The following DIP2C variants were observed in gnomAD, a reference collection of about 807,000 sequenced individuals.
DIP2C encodes disco-interacting protein 2 homolog C.
In DIP2C, 33 loss-of-function variants were observed where a neutral mutation model predicts 192.4. The observed-to-expected ratio is 0.17, with a 90% CI of 0.13 to 0.23. The LOEUF is 0.23. Ranked by LOEUF, DIP2C falls within the 10% of genes least tolerant of loss-of-function variation. The pLI is 1.00. For synonymous variants in DIP2C, 979 were observed against 864.1 expected, an observed-to-expected ratio of 1.13 and a Z score of -2.33; for missense variants, 1,537 against 2,110.1, an observed-to-expected ratio of 0.73 and a Z score of 5.32.
intron 13 of DIP2C, among the ~76,000 whole-genome samples, chr10:388,991 C>G (rs1963227744): frequency 7.2e-6 from 1 of 138,236 alleles, no homozygotes; most frequent in Admixed American, 7.7e-5. Context: ...CGGGGCATCC[C>G]AAGGGATCTC....
At chr10:389,563 G>A (rs1027149930) in intron 13 of DIP2C, among the ~76,000 whole-genome samples, 1 of 152,174 alleles carries the variant, frequency 6.6e-6, no homozygotes, top group Admixed American at 6.5e-5. Flanking sequence ...GAAGCTCCAC[G>A]GCGTTAACAG....
intron 1 of DIP2C, among the ~76,000 whole-genome samples, chr10:496,111 TA>T (rs142662466): frequency 4.4e-4 from 60 of 134,900 alleles, no homozygotes; most frequent in African/African-American, 8.8e-4. Context: ...CCCGTGTACT[TA>T]AAATCTCTAC....
chr10:674,771 AATATAT>A (rs375454744), intron 1 of DIP2C, among the ~76,000 whole-genome samples: 2 of 27,702 alleles, frequency 7.2e-5, no homozygotes, highest in African/African-American at 3.4e-4. Context: ...CTCCATCTCA[AATATAT>A]ATATATATAT....
intron 1 of DIP2C, among the ~76,000 whole-genome samples, chr10:547,570 A>G (rs1848349996): frequency 7.2e-5 from 11 of 152,116 alleles, no homozygotes; most frequent in Admixed American, 7.2e-4. Flanking sequence ...GGGTGGAGAA[A>G]AAGGGGCTGG....
At chr10:521,619 GTAAT>G (rs941688939) in intron 1 of DIP2C, among the ~76,000 whole-genome samples, 11 of 152,298 alleles carry the variant, frequency 7.2e-5, no homozygotes, top group South Asian at 2.1e-4. Context: ...CACTGATACT[GTAAT>G]TAACTTTGTA....
intron 23 of DIP2C, 125 bp downstream of exon 23, chr10:357,703 G>C: frequency 1.4e-6 from 1 of 694,360 alleles, no homozygotes; most frequent in South Asian, 2.0e-5. Context: ...CGGACAGTCA[G>C]ACACTGTCGC....
chr10:381,173 G>A (rs1458434066), intron 17 of DIP2C, among the ~76,000 whole-genome samples: 2 of 152,110 alleles, frequency 1.3e-5, no homozygotes, highest in African/African-American at 4.8e-5. Flanking sequence ...TTCATCTCAG[G>A]AAATTAGGGA....
intron 3 of DIP2C, among the ~76,000 whole-genome samples, chr10:452,281 T>G (rs1968913681): frequency 6.6e-6 from 1 of 152,168 alleles, no homozygotes; most frequent in Admixed American, 6.5e-5. Context: ...TCCGTCAGAC[T>G]CTACATGGAA....
chr10:621,322 C>A (rs377465329), intron 1 of DIP2C, among the ~76,000 whole-genome samples: 2 of 151,930 alleles, frequency 1.3e-5, no homozygotes, highest in Non-Finnish European at 2.9e-5. Flanking sequence ...CACACACACC[C>A]CCAAGGTGTG....
At chr10:489,520 T>TTCAA in intron 1 of DIP2C, among the ~76,000 whole-genome samples, 1 of 152,228 alleles carries the variant, frequency 6.6e-6, no homozygotes, top group Non-Finnish European at 1.5e-5. Flanking sequence ...AGGCCTGACC[T>TTCAA]TCAATCAATG....
At chr10:438,814 T>C (rs1199710786) in intron 4 of DIP2C, among the ~76,000 whole-genome samples, 2 of 151,986 alleles carry the variant, frequency 1.3e-5, no homozygotes, top group Non-Finnish European at 2.9e-5. Context: ...AGAGTCTCTA[T>C]TTATTATCGT....
intron 24 of DIP2C, among the ~76,000 whole-genome samples, chr10:355,279 C>T (rs780859819): frequency 6.6e-5 from 10 of 152,300 alleles, no homozygotes; most frequent in South Asian, 6.2e-4. Flanking sequence ...TCCGTGACAA[C>T]GTCAAGACGA....
At chr10:437,876 A>G (rs1251624179) in intron 4 of DIP2C, 1 of 152,258 alleles carries the variant, frequency 6.6e-6, no homozygotes, top group Non-Finnish European at 1.5e-5. Context: ...TGAAACTGAG[A>G]TAAGATCTAA....
intron 31 of DIP2C, among the ~76,000 whole-genome samples, chr10:323,781 T>C (rs1957135590): frequency 6.6e-6 from 1 of 152,196 alleles, no homozygotes; most frequent in Admixed American, 6.5e-5. Flanking sequence ...CATTTCAGGC[T>C]TTCCTTATTA....
In DIP2C at chr10:344,983, C is replaced by T. The variant is rs1207595021; in HGVS notation, c.3343+16G>A. 1.9e-6 allele frequency: 3 copies of T among 1,610,240 alleles called. No homozygotes were observed. The highest frequency in any genetic ancestry group is 2.2e-5 in the South Asian group (2 of 90,178). ...AAGGCCGTGAGCAAACCACCTTCTG[C>T]AGCTAAAGCACCAACCTGTGTCCAG... On this transcript the variant is annotated intron_variant, in intron 27 of 36. Coordinates refer to ENST00000280886, the MANE Select transcript of DIP2C (RefSeq NM_014974.3).
chr10:277,122 C>T lies in DIP2C; in HGVS notation c.*203G>A, dbSNP rs540752014. On this transcript the variant is annotated 3_prime_UTR_variant, in exon 37 of 37. Transcript: ENST00000280886. Reference sequence around the variant, plus strand: ...GGCAGTAATCCAAAGTCCTTCTGAGCGAAATTCAGTGGTAAATTCACATTT... The same window carrying T: ...GGCAGTAATCCAAAGTCCTTCTGAGTGAAATTCAGTGGTAAATTCACATTT... 10 of 671,396 alleles carry T rather than the reference C, an allele frequency of 1.5e-5. No individual in the cohort carries two copies. The highest frequency in any genetic ancestry group is 1.5e-4 in the South Asian group (5 of 34,084). 41.6% of individuals were successfully genotyped at this position (671,396 alleles called of 1,614,324 possible). A position where few individuals can be genotyped will look rare whatever the true frequency, so the allele number is the denominator to read the frequency against.
Position 390,765 on chromosome 10 carries a change from T to A in DIP2C, c.1359A>T (p.Pro453=). 1 of 1,614,176 alleles carries A rather than the reference T, an allele frequency of 6.2e-7. No individual in the cohort carries two copies. The highest frequency in any genetic ancestry group is 1.3e-5 in the African/African-American group (1 of 75,056). ...DACHKGLPKS[P]TGEIPQFKGW... ...CTTTAAACTGTGGGATCTCTCCCGT[T>A]GGGCTTTTTGGAAGTCCTTTATGGC... Residue 453 remains proline, a synonymous_variant, in exon 11 of 37, where the codon CCA becomes CCT. Transcript: ENST00000280886.
chr10:629,789 A>G (rs1854407589), intron 1 of DIP2C: 1 of 152,326 alleles, frequency 6.6e-6, no homozygotes, highest in Non-Finnish European at 1.5e-5. Context: ...AGGTGTCCCA[A>G]CGTTGGGGTG....
At chr10:609,104 A>C (rs1017865485) in intron 1 of DIP2C, among the ~76,000 whole-genome samples, 2 of 152,168 alleles carry the variant, frequency 1.3e-5, no homozygotes, top group African/African-American at 4.8e-5. Context: ...TTTGGTTTTT[A>C]TGACTCGCAG....
Sources: allele counts gnomAD v4.1 joint callset (sites outside exome capture counted in the v4.1 genomes callset), GRCh38; gene constraint gnomAD v4.1.1; transcripts MANE v1.5; gene names NCBI Gene and HGNC (gene_info 2026-07-23, HGNC 2026-07-21).